CDC5L: variants seen among roughly 807,000 people sequenced by gnomAD.
CDC5L encodes the protein cell division cycle 5-like protein.
Under a neutral mutation model 104.1 loss-of-function variants are expected in CDC5L, and 18 were observed. The observed-to-expected ratio is 0.17, with a 90% CI of 0.12 to 0.26. CDC5L has a LOEUF of 0.26. Ranked by LOEUF, CDC5L falls within the 10% of genes least tolerant of loss-of-function variation. CDC5L has a pLI of 1.00. For missense variants in CDC5L, 673 were observed against 956.9 expected, an observed-to-expected ratio of 0.70 and a Z score of 3.91; for synonymous variants, 331 against 322.7, an observed-to-expected ratio of 1.03 and a Z score of -0.28.
chr6:44,399,555 A>G (rs763935825), intron 5 of CDC5L, among the ~76,000 whole-genome samples: 1 of 152,128 alleles, frequency 6.6e-6, no homozygotes, highest in Non-Finnish European at 1.5e-5. Context: ...TTTAGATTGC[A>G]TAATTGTTAC....
intron 5 of CDC5L, 73 bp downstream of exon 5, chr6:44,396,513 C>A: frequency 1.1e-6 from 1 of 932,488 alleles, no homozygotes; most frequent in South Asian, 1.6e-5. Flanking sequence ...ACTTCTGTGA[C>A]CAGATATGTG....
At chr6:44,412,256 A>C (rs1204993445) in intron 8 of CDC5L, among the ~76,000 whole-genome samples, 1 of 151,676 alleles carries the variant, frequency 6.6e-6, no homozygotes, top group East Asian at 1.9e-4. Context: ...TCCATGCCTC[A>C]GCCTTTCAGA....
At chr6:44,398,605 T>C (rs184556277) in intron 5 of CDC5L, among the ~76,000 whole-genome samples, 45 of 152,336 alleles carry the variant, frequency 3.0e-4, no homozygotes, top group Admixed American at 2.3e-3. Flanking sequence ...CAGTTTTTTA[T>C]TGATTATAAA....
chr6:44,426,744 T>C lies in CDC5L; in HGVS notation c.1893+20T>C. The C allele has an allele frequency of 6.2e-7, 1 of 1,608,910 alleles. No homozygotes were observed. The highest frequency in any genetic ancestry group is 8.5e-7 in the Non-Finnish European group (1 of 1,177,548). ...AAAAAGGTATGATTGAGCTGGAATATTTCTTCTTGAGATTTAGGTAGTTGT... is the reference window on the plus strand; with the variant it reads ...AAAAAGGTATGATTGAGCTGGAATACTTCTTCTTGAGATTTAGGTAGTTGT... On this transcript the variant is annotated intron_variant, in intron 13 of 15. Transcript: ENST00000371477.
intron 4 of CDC5L, 37 bp downstream of exon 4, chr6:44,393,610 A>G: frequency 6.3e-7 from 1 of 1,594,752 alleles, no homozygotes; most frequent in Non-Finnish European, 8.5e-7. Context: ...TTCTTTGGTA[A>G]CTGTAAACTC....
chr6:44,424,731 A>G, intron 11 of CDC5L, 148 bp downstream of exon 11: 1 of 650,702 alleles, frequency 1.5e-6, no homozygotes, highest in South Asian at 2.0e-5. Flanking sequence ...TTATGTCATT[A>G]ATAATGTATC....
chr6:44,438,897 A>G (rs1793058632), intron 14 of CDC5L, among the ~76,000 whole-genome samples: 1 of 152,046 alleles, frequency 6.6e-6, no homozygotes, highest in African/African-American at 2.4e-5. Flanking sequence ...TAAAGTTAAG[A>G]CAATTTAAAG....
rs1329736019 is a variant in CDC5L, at chr6:44,447,351, T to G, written c.*640T>G. On this transcript the variant is annotated 3_prime_UTR_variant, in exon 16 of 16. Coordinates refer to ENST00000371477, the MANE Select transcript of CDC5L (RefSeq NM_001253.4). The stretch of plus-strand genomic sequence containing the variant: ...TTTATGGGTCAGGGCTTAAAAGATT[T>G]AACTTCCTTGCCCCATTATTTTCTT... 1 of 152,214 alleles carries G rather than the reference T, an allele frequency of 6.6e-6. No homozygotes were observed. Among genetic ancestry groups the G allele is most frequent in the Non-Finnish European group, 1.5e-5 (1 of 68,038 alleles). The allele number at this position is 152,214 out of a possible 1,614,324, so 9.4% of individuals were successfully genotyped here. A position where few individuals can be genotyped will look rare whatever the true frequency, so the allele number is the denominator to read the frequency against.
Position 44,408,637 on chromosome 6 carries a change from C to A in CDC5L, c.1092+5C>A. 1 of 1,580,682 alleles carries A rather than the reference C, an allele frequency of 6.3e-7. No individual in the cohort carries two copies. The highest frequency in any genetic ancestry group is 1.8e-5 in the Admixed American group (1 of 56,968). On this transcript the variant is annotated splice_donor_5th_base_variant and intron_variant, in intron 8 of 15. Transcript: ENST00000371477. ...TCCCAGGACAGAATTCTGCAGGTAA[C>A]GTGTCACGTAGTAGAATGAGGCTTT...
intron 15 of CDC5L, 132 bp downstream of exon 15, chr6:44,445,999 AGTGTTT>A: frequency 1.4e-6 from 1 of 700,476 alleles, no homozygotes; most frequent in Non-Finnish European, 2.4e-6. Context: ...GAGAGCCTAA[AGTGTTT>A]GACTTTCTAA....
At chr6:44,430,317 A>T (rs552831303) in intron 14 of CDC5L, among the ~76,000 whole-genome samples, 26 of 151,600 alleles carry the variant, frequency 1.7e-4, no homozygotes, top group African/African-American at 6.3e-4. Context: ...AAGAGAGTAC[A>T]TTTACAAAAC....
intron 8 of CDC5L, among the ~76,000 whole-genome samples, chr6:44,414,882 T>A (rs1791841304): frequency 6.6e-6 from 1 of 152,218 alleles, no homozygotes; most frequent in African/African-American, 2.4e-5. Context: ...GTTATTCCCA[T>A]GTTTTTTCCT....
chr6:44,388,098 G>C (rs963635797), intron 1 of CDC5L, among the ~76,000 whole-genome samples: 1 of 149,270 alleles, frequency 6.7e-6, no homozygotes, highest in Admixed American at 6.7e-5. Flanking sequence ...AAGCTCACTT[G>C]TTAGGCCCTG....
intron 14 of CDC5L, among the ~76,000 whole-genome samples, chr6:44,440,593 A>G (rs961617869): frequency 3.3e-5 from 5 of 152,008 alleles, no homozygotes; most frequent in Middle Eastern, 3.4e-3. Context: ...GCATATGTTT[A>G]TGGAGTAAGA....
intron 14 of CDC5L, among the ~76,000 whole-genome samples, chr6:44,432,437 C>T (rs746707865): frequency 2.0e-5 from 3 of 151,994 alleles, no homozygotes; most frequent in African/African-American, 7.2e-5. Flanking sequence ...ACTTTGGAAC[C>T]GTGAATCTAA....
At chr6:44,429,615 G>T in intron 13 of CDC5L, 98 bp from the exon 14 acceptor site, 1 of 983,880 alleles carries the variant, frequency 1.0e-6, no homozygotes, top group South Asian at 1.7e-5. Context: ...TCTTGGATTT[G>T]ACTCAAGGCA....
At position 44,395,113 on chromosome 6, in the gene CDC5L, A is replaced by G. The variant is rs548488397; in HGVS notation, c.440-1228A>G. On this transcript the variant is annotated intron_variant, in intron 4 of 15. Coordinates refer to ENST00000371477, the MANE Select transcript of CDC5L (RefSeq NM_001253.4). ...GAGTGATAGATGCCAGAGGCTGGGTATGGTGTGTGGGTGGGAGAGCGGGAT... is the reference window on the plus strand; with the variant it reads ...GAGTGATAGATGCCAGAGGCTGGGTGTGGTGTGTGGGTGGGAGAGCGGGAT... Among the ~76,000 whole-genome samples the G allele has an allele frequency of 2.6e-5, 4 of 152,230 alleles. No homozygotes were observed. The South Asian group carries it at 8.3e-4, about 32-fold the overall frequency.
chr6:44,402,029 C>T (rs1362570764), intron 5 of CDC5L, among the ~76,000 whole-genome samples: 7 of 136,006 alleles, frequency 5.1e-5, no homozygotes, highest in Non-Finnish European at 1.6e-5. Flanking sequence ...GTATATGTGC[C>T]ACATTTTCTT....
At chr6:44,413,630 C>T (rs981106270) in intron 8 of CDC5L, among the ~76,000 whole-genome samples, 2 of 152,314 alleles carry the variant, frequency 1.3e-5, no homozygotes, top group South Asian at 2.1e-4. Context: ...GTTGCCCAGG[C>T]TGGAGTGCAG....
Sources: allele counts gnomAD v4.1 joint callset (sites outside exome capture counted in the v4.1 genomes callset), GRCh38; gene constraint gnomAD v4.1.1; transcripts MANE v1.5; gene names NCBI Gene and HGNC (gene_info 2026-07-23, HGNC 2026-07-21).